Variants in NLN observed in about 807,000 individuals in gnomAD.
The protein encoded by NLN is neurolysin.
A neutral mutation model predicts 79.9 loss-of-function variants in NLN; 64 were observed. That is an observed-to-expected ratio of 0.80 (90% CI 0.65 to 0.99). The LOEUF is 0.99. Ranked by LOEUF, NLN falls within the 50% of genes least tolerant of loss-of-function variation. The pLI, the probability that NLN is intolerant of heterozygous loss-of-function variation, is 0.00. For missense variants in NLN, 835 were observed against 858.7 expected (o/e 0.97, Z 0.34); for synonymous variants, 267 against 296.6 (o/e 0.90, Z 1.02).
Position 65,781,356 on chromosome 5 carries a change from A to T in NLN, c.757A>T (p.Lys253Ter). Residue 253 changes from lysine to a stop codon, truncating the protein, a stop_gained, in exon 6 of 13, where the codon AAG becomes TAG. Coordinates refer to ENST00000380985, the MANE Select transcript of NLN (RefSeq NM_020726.5). LOFTEE classifies it high-confidence loss of function. ...LKYPHYFPVMKKCCIPETRRR... is the reference protein window; with the variant it reads ...LKYPHYFPVM Reference sequence around the variant, plus strand: ...ATATCCACACTATTTCCCTGTCATGAAGAAATGTTGTATCCCTGAAACCAG... The same window carrying T: ...ATATCCACACTATTTCCCTGTCATGTAGAAATGTTGTATCCCTGAAACCAG... 6.2e-7 allele frequency: 1 copy of T among 1,606,524 alleles called. No homozygotes were observed. The highest frequency in any genetic ancestry group is 8.5e-7 in the Non-Finnish European group (1 of 1,173,138).
chr5:65,809,451 A>G, intron 9 of NLN, 64 bp from the exon 10 acceptor site: 3 of 1,372,978 alleles, frequency 2.2e-6, no homozygotes, highest in South Asian at 1.4e-5. Context: ...ACTCTTAATA[A>G]TTATTCATTG....
intron 1 of NLN, among the ~76,000 whole-genome samples, chr5:65,741,494 A>T (rs1758868107): frequency 6.6e-6 from 1 of 152,220 alleles, no homozygotes; most frequent in African/African-American, 2.4e-5. Flanking sequence ...TCTAGGCATC[A>T]TCATTCACAC....
rs1450062044 is a variant in NLN, at chr5:65,722,336, G to T, written c.-38G>T. 6.6e-7 allele frequency: 1 copy of T among 1,526,294 alleles called. No individual in the cohort carries two copies. The highest frequency in any genetic ancestry group is 8.8e-7 in the Non-Finnish European group (1 of 1,138,856). The allele number at this position is 1,526,294 out of a possible 1,614,324, so 94.5% of individuals were successfully genotyped here. On this transcript the variant is annotated 5_prime_UTR_variant, in exon 1 of 13. Transcript: ENST00000380985. ...CCCGCCTCGCCGCCCCACGCCGAAGGACCACGCGCCCGCCGCCGCCAGCCT... is the reference window on the plus strand; with the variant it reads ...CCCGCCTCGCCGCCCCACGCCGAAGTACCACGCGCCCGCCGCCGCCAGCCT...
chr5:65,782,729 C>T (rs759353747), intron 6 of NLN, among the ~76,000 whole-genome samples: 1 of 152,162 alleles, frequency 6.6e-6, no homozygotes, highest in East Asian at 1.9e-4. Context: ...CTTTTCCTTC[C>T]ATCTTTAGAA....
chr5:65,783,719 AT>A (rs1415039626), intron 6 of NLN, among the ~76,000 whole-genome samples: 2 of 151,530 alleles, frequency 1.3e-5, no homozygotes, highest in African/African-American at 2.4e-5. Context: ...AAAAAAAAAA[AT>A]TCAGAGTTAT....
intron 3 of NLN, among the ~76,000 whole-genome samples, chr5:65,768,199 T>C (rs942457892): frequency 1.3e-5 from 2 of 152,176 alleles, no homozygotes; most frequent in African/African-American, 4.8e-5. Flanking sequence ...TATCAGTCCA[T>C]TCTCACACTG....
At chr5:65,807,637 C>T (rs1760446976) in intron 9 of NLN, among the ~76,000 whole-genome samples, 1 of 152,070 alleles carries the variant, frequency 6.6e-6, no homozygotes, top group African/African-American at 2.4e-5. Context: ...GACAGAGTTT[C>T]ATCATGTTGG....
At chr5:65,791,865 A>G (rs373029597) in intron 8 of NLN, among the ~76,000 whole-genome samples, 1 of 152,210 alleles carries the variant, frequency 6.6e-6, no homozygotes, top group Non-Finnish European at 1.5e-5. Flanking sequence ...CACAGATACG[A>G]CACTGTACAA....
intron 1 of NLN, among the ~76,000 whole-genome samples, chr5:65,743,970 A>G (rs151070598): frequency 6.6e-6 from 1 of 152,334 alleles, no homozygotes; most frequent in African/African-American, 2.4e-5. Context: ...AGTCTTTCCT[A>G]GATTCCCCAA....
intron 7 of NLN, 79 bp downstream of exon 7, chr5:65,785,989 C>A: frequency 1.6e-6 from 2 of 1,255,386 alleles, no homozygotes; most frequent in Non-Finnish European, 2.2e-6. Context: ...CATAATATGC[C>A]TTTGAGGACA....
At chr5:65,763,514 C>G (rs1759384665) in intron 3 of NLN, among the ~76,000 whole-genome samples, 1 of 152,010 alleles carries the variant, frequency 6.6e-6, no homozygotes, top group Admixed American at 6.6e-5. Context: ...TCATTCCTGT[C>G]TGTCATCCTT....
chr5:65,800,975 G>A (rs1206492135), intron 9 of NLN, among the ~76,000 whole-genome samples: 9 of 152,048 alleles, frequency 5.9e-5, no homozygotes, highest in African/African-American at 1.7e-4. Context: ...TTACAGGCAT[G>A]AGCCACTGTG....
intron 1 of NLN, among the ~76,000 whole-genome samples, chr5:65,736,019 T>C (rs1406013985): frequency 6.6e-6 from 1 of 152,212 alleles, no homozygotes; most frequent in Non-Finnish European, 1.5e-5. Context: ...TGTGTCAATA[T>C]ATAAAATGAT....
In NLN at chr5:65,753,837, C is replaced by G. The variant is rs73099390; in HGVS notation, c.42-4730C>G. The stretch of plus-strand genomic sequence containing the variant: ...CTCAGGGCCAGCCTTTTTACCTATA[C>G]TGGGACTTCCTTGAAGTACAGCCCG... On this transcript the variant is annotated intron_variant, in intron 1 of 12. Coordinates refer to ENST00000380985, the MANE Select transcript of NLN (RefSeq NM_020726.5). Among the ~76,000 whole-genome samples the G allele has an allele frequency of 9.5e-3, 1,451 of 152,270 alleles. 29 individuals are homozygous for G. Among genetic ancestry groups the G allele is most frequent in the African/African-American group, 0.033 (1,390 of 41,556 alleles).
Position 65,812,391 on chromosome 5 carries a change from G to A in NLN, c.1980G>A (p.Glu660=), listed in dbSNP as rs751615059. 3.0e-5 allele frequency: 45 copies of A among 1,504,096 alleles called. No homozygotes were observed. The highest frequency in any genetic ancestry group is 4.0e-5 in the Non-Finnish European group (43 of 1,085,302). 93.2% of individuals were successfully genotyped at this position (1,504,096 alleles called of 1,614,324 possible). A position where few individuals can be genotyped will look rare whatever the true frequency, so the allele number is the denominator to read the frequency against. The change falls in exon 12 of 13, where the codon GAG becomes GAA. Residue 660 remains glutamate, a splice_region_variant and synonymous_variant. Transcript: ENST00000380985. ...CFKKEGIMNP[E]VGMKYRNLIL... ...AAAAAGAAGGGATAATGAATCCAGAGGTATAGTATTATTTTTCTCCTTTTA... is the reference window on the plus strand; with the variant it reads ...AAAAAGAAGGGATAATGAATCCAGAAGTATAGTATTATTTTTCTCCTTTTA...
intron 1 of NLN, among the ~76,000 whole-genome samples, chr5:65,730,543 CTT>C (rs530066196): frequency 7.0e-5 from 10 of 142,924 alleles, no homozygotes; most frequent in South Asian, 2.2e-4. Flanking sequence ...CTATTTTCTT[CTT>C]TTTTTTTTTT....
chr5:65,808,308 G>C (rs1203728888), intron 9 of NLN, among the ~76,000 whole-genome samples: 2 of 152,192 alleles, frequency 1.3e-5, no homozygotes, highest in Admixed American at 6.5e-5. Context: ...TGCTGATTCG[G>C]CACCCCATCT....
intron 1 of NLN, among the ~76,000 whole-genome samples, chr5:65,728,804 T>TCTGA (rs1401238538): frequency 6.6e-6 from 1 of 152,142 alleles, no homozygotes; most frequent in East Asian, 1.9e-4. Flanking sequence ...ATATGGAAAA[T>TCTGA]CTTAGAAAGT....
Position 65,810,142 on chromosome 5 carries a change from T to C in NLN, c.1820T>C (p.Ile607Thr), listed in dbSNP as rs1463471781. The stretch of plus-strand genomic sequence containing the variant: ...GAATATGCCAAATACTGCTCAGAAA[T>C]ATTAGGAGTTGCAGCTACTCCAGGT... Reference protein sequence around the residue: ...ASEYAKYCSEILGVAATPGTN... With the variant: ...ASEYAKYCSETLGVAATPGTN... Residue 607 changes from isoleucine to threonine, a missense_variant, in exon 11 of 13, where the codon ATA becomes ACA. Ile to Thr is a moderately conservative substitution (Grantham distance 89). Coordinates refer to ENST00000380985, the MANE Select transcript of NLN (RefSeq NM_020726.5). The C allele has an allele frequency of 6.2e-7, 1 of 1,614,004 alleles. No individual in the cohort carries two copies. Among genetic ancestry groups the C allele is most frequent in the Admixed American group, 1.7e-5 (1 of 60,012 alleles).
Sources: allele counts gnomAD v4.1 joint callset (sites outside exome capture counted in the v4.1 genomes callset), GRCh38; gene constraint gnomAD v4.1.1; transcripts MANE v1.5; gene names NCBI Gene and HGNC (gene_info 2026-07-23, HGNC 2026-07-21).